The following PTCHD4 variants were observed in gnomAD, a reference collection of about 807,000 sequenced individuals.
PTCHD4 encodes the protein patched domain containing 4.
PTCHD4 carries 33 observed loss-of-function variants against 58.1 expected under a neutral mutation model. The observed-to-expected ratio is 0.57, with a 90% confidence interval of 0.43 to 0.76. PTCHD4 has a LOEUF of 0.76. Among genes scored for constraint, PTCHD4 ranks in the 30% least tolerant of loss-of-function variants. The pLI, the probability that PTCHD4 is intolerant of heterozygous loss-of-function variation, is 0.00. For missense variants in PTCHD4, 1,058 were observed against 1,027.1 expected (o/e 1.03, Z -0.41); for synonymous variants, 478 against 409.6 (o/e 1.17, Z -2.02).
intron 4 of PTCHD4, among the ~76,000 whole-genome samples, chr6:47,919,770 G>A (rs972578615): frequency 5.3e-5 from 8 of 152,034 alleles, no homozygotes; most frequent in South Asian, 2.1e-4. Flanking sequence ...TTCTGTTGTC[G>A]AAGCAGGATA....
chr6:48,098,307 A>ATTTCT (rs1316284563), intron 1 of PTCHD4, among the ~76,000 whole-genome samples: 2 of 131,662 alleles, frequency 1.5e-5, no homozygotes, highest in African/African-American at 2.8e-5. Flanking sequence ...AGTAACTGGA[A>ATTTCT]TTTCTTTTCT....
intron 4 of PTCHD4, among the ~76,000 whole-genome samples, chr6:47,966,749 A>G (rs763717967): frequency 4.6e-5 from 7 of 152,192 alleles, no homozygotes; most frequent in Middle Eastern, 3.4e-3. Context: ...TTTTTTGCTC[A>G]TTCATAAGAA....
intron 3 of PTCHD4, among the ~76,000 whole-genome samples, chr6:48,062,438 G>C (rs904316352): frequency 6.6e-6 from 1 of 152,042 alleles, no homozygotes; most frequent in Non-Finnish European, 1.5e-5. Context: ...GAAGAATGGA[G>C]AGAACGCTTT....
chr6:48,005,683 G>A (rs1762407977), intron 4 of PTCHD4, among the ~76,000 whole-genome samples: 1 of 152,118 alleles, frequency 6.6e-6, no homozygotes, highest in Non-Finnish European at 1.5e-5. Context: ...TTCTATCTCT[G>A]AAGGCATTAG....
chr6:47,941,751 T>A (rs898478082), intron 4 of PTCHD4, among the ~76,000 whole-genome samples: 1 of 152,220 alleles, frequency 6.6e-6, no homozygotes, highest in African/African-American at 2.4e-5. Flanking sequence ...GGTGGTTATG[T>A]GGTTTAGTGA....
intron 4 of PTCHD4, among the ~76,000 whole-genome samples, chr6:47,951,174 CT>C (rs1766632642): frequency 6.6e-6 from 1 of 152,128 alleles, no homozygotes; most frequent in Admixed American, 6.5e-5. Context: ...TAATTCTTGT[CT>C]TTGAAAACTC....
At chr6:47,892,453 G>A (rs1193022069) in intron 4 of PTCHD4, among the ~76,000 whole-genome samples, 1 of 152,156 alleles carries the variant, frequency 6.6e-6, no homozygotes, top group Non-Finnish European at 1.5e-5. Flanking sequence ...TCACTTTAAA[G>A]TTTAATAACT....
intron 1 of PTCHD4, among the ~76,000 whole-genome samples, chr6:48,090,423 CTT>C (rs1765341585): frequency 6.6e-6 from 1 of 152,106 alleles, no homozygotes; most frequent in Non-Finnish European, 1.5e-5. Context: ...GGATAGTTAA[CTT>C]ATATTGTTTC....
At chr6:48,019,597 G>A (rs1214977838) in intron 3 of PTCHD4, among the ~76,000 whole-genome samples, 2 of 151,976 alleles carry the variant, frequency 1.3e-5, no homozygotes, top group East Asian at 3.9e-4. Flanking sequence ...TTAGCTGGGC[G>A]TGGTGGGGGG....
intron 4 of PTCHD4, among the ~76,000 whole-genome samples, chr6:47,927,612 G>T (rs903920228): frequency 1.1e-4 from 16 of 152,042 alleles, no homozygotes. Flanking sequence ...AGGACTTGAG[G>T]TCTAATTCTC....
chr6:47,859,089 G>C lies in PTCHD4; in HGVS notation c.*19214C>G, dbSNP rs922133449. Among the ~76,000 whole-genome samples, 8 of 151,934 alleles carry C rather than the reference G, an allele frequency of 5.3e-5. No homozygotes were observed. Among genetic ancestry groups the C allele is most frequent in the African/African-American group, 1.7e-4 (7 of 41,388 alleles). On this transcript the variant is annotated 3_prime_UTR_variant, in exon 5 of 5. Transcript: ENST00000339488. ...GCATCAGATAATATATTTTATTCAC[G>C]CTTATGTCAGGGTAACTTTGTGTAT...
intron 4 of PTCHD4, among the ~76,000 whole-genome samples, chr6:47,920,777 A>G (rs1424622206): frequency 6.6e-6 from 1 of 152,196 alleles, no homozygotes; most frequent in Admixed American, 6.5e-5. Context: ...ATGGATAGAC[A>G]TGTAGGTTTA....
At position 47,875,729 on chromosome 6, in the gene PTCHD4, T is replaced by C. The variant is rs1435400097; in HGVS notation, c.*2574A>G. Among the ~76,000 whole-genome samples the C allele has an allele frequency of 2.0e-5, 3 of 151,816 alleles. No homozygotes were observed. The highest frequency in any genetic ancestry group is 4.4e-5 in the Non-Finnish European group (3 of 67,878). On this transcript the variant is annotated 3_prime_UTR_variant, in exon 5 of 5. Coordinates refer to ENST00000339488, the MANE Select transcript of PTCHD4 (RefSeq NM_001384253.1). ...AGAGACTATCTGGATGGAGACATAA[T>C]ATTAGATCTGCCCTGGTCATTTGGC...
intron 4 of PTCHD4, among the ~76,000 whole-genome samples, chr6:47,880,955 A>G (rs1399060422): frequency 2.0e-5 from 3 of 152,158 alleles, no homozygotes; most frequent in Non-Finnish European, 4.4e-5. Flanking sequence ...ATGACCATCC[A>G]TAATATATCA....
chr6:48,029,115 G>T (rs949335714), intron 3 of PTCHD4, among the ~76,000 whole-genome samples: 4 of 152,010 alleles, frequency 2.6e-5, no homozygotes, highest in Admixed American at 1.3e-4. Flanking sequence ...CATAATTCCG[G>T]TTACTGTTTT....
chr6:47,870,987 G>T lies in PTCHD4; in HGVS notation c.*7316C>A, dbSNP rs917670742. On this transcript the variant is annotated 3_prime_UTR_variant, in exon 5 of 5. Transcript: ENST00000339488. ...TTGATGGTTTGCCATGAGGTTTGTA[G>T]TGTTAATACATCAAAGTTTCATAAT... Among the ~76,000 whole-genome samples the T allele has an allele frequency of 1.3e-5, 2 of 151,712 alleles. No individual in the cohort carries two copies. Among genetic ancestry groups the T allele is most frequent in the South Asian group, 4.1e-4 (2 of 4,828 alleles).
rs537535249 is a variant in PTCHD4 at position 48,021,174 on chromosome 6, T to C, written c.418-12060A>G. ...ATTTTCTTTAGTATAGATAGTATAT[T>C]ATACATACTACAGTAGAAACAAGTT... On this transcript the variant is annotated intron_variant, in intron 3 of 4. Coordinates refer to ENST00000339488, the MANE Select transcript of PTCHD4 (RefSeq NM_001384253.1). Among the ~76,000 whole-genome samples the C allele has an allele frequency of 1.3e-3, 200 of 152,278 alleles. 1 individual carries two copies. The highest frequency in any genetic ancestry group is 2.4e-3 in the Non-Finnish European group (164 of 68,004).
intron 3 of PTCHD4, among the ~76,000 whole-genome samples, chr6:48,014,214 T>C (rs1447762848): frequency 2.0e-5 from 3 of 152,276 alleles, no homozygotes; most frequent in Middle Eastern, 6.8e-3. Context: ...ATTTTGTACC[T>C]GCAGTTGGCC....
intron 3 of PTCHD4, among the ~76,000 whole-genome samples, chr6:48,066,703 T>C (rs1027195959): frequency 6.6e-6 from 1 of 152,200 alleles, no homozygotes; most frequent in African/African-American, 2.4e-5. Flanking sequence ...TGATAAATCA[T>C]CTGTTTCGTT....
Sources: allele counts gnomAD v4.1 joint callset (sites outside exome capture counted in the v4.1 genomes callset), GRCh38; gene constraint gnomAD v4.1.1; transcripts MANE v1.5; gene names NCBI Gene and HGNC (gene_info 2026-07-23, HGNC 2026-07-21).